Variants in PPARGC1A observed in about 807,000 individuals in gnomAD.
PPARGC1A encodes PPARG coactivator 1 alpha, also known as peroxisome proliferator-activated receptor gamma coactivator 1-alpha.
Under a neutral mutation model 88.7 loss-of-function variants are expected in PPARGC1A, and 25 were observed. That is an observed-to-expected ratio of 0.28 (90% CI 0.21 to 0.39). The LOEUF (loss-of-function observed/expected upper bound fraction) is 0.39, where lower values mean the gene tolerates loss of function less well. Ranked by LOEUF, PPARGC1A falls within the 10% of genes least tolerant of loss-of-function variation. The probability of loss-of-function intolerance (pLI) is 1.00; values close to 1 mark genes in which losing one functional copy is unlikely to be tolerated. For synonymous variants in PPARGC1A, 363 were observed against 355.6 expected (o/e 1.02, Z -0.24); for missense variants, 880 against 968.7 (o/e 0.91, Z 1.22).
At chr4:23,969,345 T>C in the PPARGC1A span, among the ~76,000 whole-genome samples, 1 of 152,170 alleles carries the variant, frequency 6.6e-6, no homozygotes, top group Non-Finnish European at 1.5e-5. Context: ...TATCTATGTG[T>C]TTTATTGCAA....
the PPARGC1A span, among the ~76,000 whole-genome samples, chr4:24,466,270 G>A: frequency 6.6e-6 from 1 of 152,100 alleles, no homozygotes; most frequent in African/African-American, 2.4e-5. Context: ...GGTAAACTTG[G>A]GCAAACAAAG....
At chr4:24,421,905 G>A in the PPARGC1A span, among the ~76,000 whole-genome samples, 12 of 152,030 alleles carry the variant, frequency 7.9e-5, no homozygotes, top group South Asian at 4.1e-4. Context: ...GTGATAGAGA[G>A]CTCCTTATAA....
the PPARGC1A span, among the ~76,000 whole-genome samples, chr4:24,462,074 A>T: frequency 6.6e-6 from 1 of 151,936 alleles, no homozygotes; most frequent in Non-Finnish European, 1.5e-5. Flanking sequence ...CATGCAGAGC[A>T]GCATGTTTTT....
the PPARGC1A span, among the ~76,000 whole-genome samples, chr4:24,256,561 T>C: frequency 7.9e-5 from 12 of 152,142 alleles, no homozygotes; most frequent in Admixed American, 2.6e-4. Flanking sequence ...GTGGTCTCAT[T>C]TAGTACAAAT....
chr4:24,469,925 GC>G, the PPARGC1A span, among the ~76,000 whole-genome samples: 3 of 152,068 alleles, frequency 2.0e-5, no homozygotes. Context: ...TCCAGCCGCA[GC>G]CCTTCGCTTT....
At chr4:24,196,713 T>A in the PPARGC1A span, among the ~76,000 whole-genome samples, 3 of 152,198 alleles carry the variant, frequency 2.0e-5, no homozygotes, top group East Asian at 5.8e-4. Flanking sequence ...ACAGTCTTCA[T>A]TTGATGGGAA....
chr4:24,208,457 C>T, the PPARGC1A span, among the ~76,000 whole-genome samples: 1 of 152,014 alleles, frequency 6.6e-6, no homozygotes. Context: ...ATTACCTAGC[C>T]AGGGCCACTA....
chr4:24,096,206 C>T, the PPARGC1A span, among the ~76,000 whole-genome samples: 1 of 152,180 alleles, frequency 6.6e-6, no homozygotes, highest in Admixed American at 6.5e-5. Flanking sequence ...CGCTTGCTTC[C>T]CCTTGGCCTT....
the PPARGC1A span, among the ~76,000 whole-genome samples, chr4:24,222,221 G>C: frequency 6.6e-6 from 1 of 152,340 alleles, no homozygotes; most frequent in Admixed American, 6.5e-5. Context: ...GCATAGAGTA[G>C]AAAGTCCTCC....
At chr4:23,914,332 A>G in the PPARGC1A span, among the ~76,000 whole-genome samples, 1 of 152,174 alleles carries the variant, frequency 6.6e-6, no homozygotes, top group African/African-American at 2.4e-5. Flanking sequence ...ACATACATTC[A>G]CATACTGCCT....
chr4:23,889,869 T>C (rs1429539005), intron 1 of PPARGC1A, 35 bp downstream of exon 1: 1 of 1,607,762 alleles, frequency 6.2e-7, no homozygotes, highest in South Asian at 1.1e-5. Flanking sequence ...GAAGCGTCAG[T>C]TGTGGCTGCA....
chr4:24,050,090 T>C, the PPARGC1A span, among the ~76,000 whole-genome samples: 1 of 152,164 alleles, frequency 6.6e-6, no homozygotes, highest in Non-Finnish European at 1.5e-5. Flanking sequence ...AATCATTTCC[T>C]GTTGGCTTTT....
At chr4:24,269,957 T>C in the PPARGC1A span, among the ~76,000 whole-genome samples, 2 of 152,176 alleles carry the variant, frequency 1.3e-5, no homozygotes, top group Non-Finnish European at 2.9e-5. Flanking sequence ...TCAACTTGAC[T>C]GGGCCATGAG....
intron 2 of PPARGC1A, among the ~76,000 whole-genome samples, chr4:23,855,783 T>C (rs909342229): frequency 2.6e-5 from 4 of 152,056 alleles, no homozygotes; most frequent in Admixed American, 2.0e-4. Context: ...CAGAGGCACC[T>C]AAGCTGTGGT....
At chr4:24,116,433 G>T in the PPARGC1A span, among the ~76,000 whole-genome samples, 1 of 152,090 alleles carries the variant, frequency 6.6e-6, no homozygotes, top group South Asian at 2.1e-4. Context: ...TATGTGTTTG[G>T]GATCACAGAT....
intron 7 of PPARGC1A, among the ~76,000 whole-genome samples, chr4:23,816,391 C>G (rs1455005936): frequency 6.6e-6 from 1 of 152,164 alleles, no homozygotes. Context: ...ATAAGTATGT[C>G]TTTTACTCAA....
chr4:24,182,287 G>T, the PPARGC1A span, among the ~76,000 whole-genome samples: 1 of 152,166 alleles, frequency 6.6e-6, no homozygotes, highest in Non-Finnish European at 1.5e-5. Flanking sequence ...GAGAATGATG[G>T]CTTCCAGCTT....
chr4:24,263,690 T>G, the PPARGC1A span, among the ~76,000 whole-genome samples: 2 of 152,192 alleles, frequency 1.3e-5, no homozygotes, highest in African/African-American at 4.8e-5. Flanking sequence ...ATGATGAGGA[T>G]GAACACCTTT....
intron 2 of PPARGC1A, among the ~76,000 whole-genome samples, chr4:23,840,515 C>A (rs1238177641): frequency 6.6e-6 from 1 of 152,104 alleles, no homozygotes. Flanking sequence ...TCAAGTGTCA[C>A]CTTCTCAGTG....
Sources: gnomAD v4.1 joint callset for allele counts (sites outside exome capture counted in the v4.1 genomes callset) on GRCh38, gnomAD v4.1.1 for gene constraint, MANE v1.5 for transcripts, NCBI Gene and HGNC (gene_info 2026-07-23, HGNC 2026-07-21) for gene names.